The following CORO2B variants were observed in gnomAD, a reference collection of about 807,000 sequenced individuals.
CORO2B encodes coronin-2B.
Under a neutral mutation model 58.8 loss-of-function variants are expected in CORO2B, and 26 were observed. The observed-to-expected ratio is 0.44, with a 90% confidence interval of 0.32 to 0.61. CORO2B has a LOEUF of 0.61. Ranked by LOEUF, CORO2B falls within the 20% of genes least tolerant of loss-of-function variation. CORO2B has a pLI of 0.04. For synonymous variants in CORO2B, 242 were observed against 253.8 expected, an observed-to-expected ratio of 0.95 and a Z score of 0.44; for missense variants, 460 against 645.1, an observed-to-expected ratio of 0.71 and a Z score of 3.11.
chr15:68,695,892 G>A (rs983630975), intron 3 of CORO2B, among the ~76,000 whole-genome samples: 4 of 151,966 alleles, frequency 2.6e-5, no homozygotes, highest in African/African-American at 9.7e-5. Flanking sequence ...GAGAAATAGA[G>A]ATAGGAGGGA....
chr15:68,554,987 T>C, the CORO2B span, among the ~76,000 whole-genome samples: 1 of 152,266 alleles, frequency 6.6e-6, no homozygotes, highest in Non-Finnish European at 1.5e-5. Flanking sequence ...GATTGCACAG[T>C]GGTGGCTCTC....
chr15:68,681,598 G>A (rs1200699026), intron 2 of CORO2B, among the ~76,000 whole-genome samples: 1 of 152,140 alleles, frequency 6.6e-6, no homozygotes, highest in African/African-American at 2.4e-5. Flanking sequence ...CACTTGAGAA[G>A]TGTGACCCCT....
chr15:68,680,050 T>C (rs1163605356), intron 2 of CORO2B, among the ~76,000 whole-genome samples: 2 of 151,150 alleles, frequency 1.3e-5, no homozygotes, highest in Admixed American at 6.6e-5. Flanking sequence ...TGGTGGGCAC[T>C]GGGCCCCCGC....
At chr15:68,527,585 C>T in the CORO2B span, among the ~76,000 whole-genome samples, 31 of 152,190 alleles carry the variant, frequency 2.0e-4, no homozygotes, top group Non-Finnish European at 2.9e-4. Flanking sequence ...GTAATAAGTT[C>T]GAAAATCAGG....
chr15:68,692,757 C>T (rs1892412680), intron 2 of CORO2B, among the ~76,000 whole-genome samples: 1 of 151,056 alleles, frequency 6.6e-6, no homozygotes, highest in African/African-American at 2.4e-5. Context: ...GCTCAGCCTC[C>T]CAAGTAGCTG....
At chr15:68,686,105 T>G (rs1902969913) in intron 2 of CORO2B, among the ~76,000 whole-genome samples, 1 of 146,544 alleles carries the variant, frequency 6.8e-6, no homozygotes, top group Admixed American at 6.9e-5. Flanking sequence ...TGGCGCAACC[T>G]TGGCTCATTG....
At chr15:68,695,389 C>T in intron 3 of CORO2B, 133 bp downstream of exon 3, 4 of 698,502 alleles carry the variant, frequency 5.7e-6, no homozygotes, top group Non-Finnish European at 1.0e-5. Flanking sequence ...TTCCAGCAAG[C>T]CCCACGATGT....
chr15:68,552,755 G>A, the CORO2B span, among the ~76,000 whole-genome samples: 3 of 152,132 alleles, frequency 2.0e-5, no homozygotes, highest in Non-Finnish European at 4.4e-5. Flanking sequence ...CAAAGCATCA[G>A]CCCCTCTGAT....
intron 3 of CORO2B, among the ~76,000 whole-genome samples, chr15:68,708,357 C>CTTTTTTTTTTTT (rs921103212): frequency 3.7e-4 from 43 of 114,958 alleles, no homozygotes; most frequent in Non-Finnish European, 5.8e-4. Flanking sequence ...TTTTTTTCTT[C>CTTTTTTTTTTTT]TTTTTTTTTT....
At chr15:68,658,667 A>T (rs1338237834) in intron 2 of CORO2B, among the ~76,000 whole-genome samples, 3 of 152,204 alleles carry the variant, frequency 2.0e-5, no homozygotes, top group African/African-American at 7.2e-5. Context: ...CCTGAGCTTC[A>T]TTCTTCTTTG....
At position 68,710,899 on chromosome 15, in the gene CORO2B, A is replaced by G; in HGVS notation, c.483+18A>G. 1 of 1,580,696 alleles carries G rather than the reference A, an allele frequency of 6.3e-7. No individual in the cohort carries two copies. The highest frequency in any genetic ancestry group is 8.6e-7 in the Non-Finnish European group (1 of 1,160,018). The stretch of plus-strand genomic sequence containing the variant: ...ACTACAAGGTATGCAGTGGGCAGGC[A>G]GCTGGGTGGAGAGGGATTGGGGAAG... On this transcript the variant is annotated intron_variant, in intron 4 of 11. Coordinates refer to ENST00000261861, the MANE Select transcript of CORO2B (RefSeq NM_006091.5). The surrounding 1 kb of genome is among the most constrained non-coding windows in gnomAD (Gnocchi z 4.1).
chr15:68,611,648 TAA>T (rs1365762561), intron 1 of CORO2B, among the ~76,000 whole-genome samples: 1 of 152,226 alleles, frequency 6.6e-6, no homozygotes, highest in African/African-American at 2.4e-5. Flanking sequence ...TTAGATTTAT[TAA>T]GATATGGAAT....
the CORO2B span, among the ~76,000 whole-genome samples, chr15:68,550,654 G>A: frequency 2.4e-4 from 37 of 152,330 alleles, no homozygotes; most frequent in Non-Finnish European, 4.0e-4. Flanking sequence ...CCTTAGAAGG[G>A]ACAGGCGTCC....
chr15:68,581,831 G>A (rs975129118), intron 1 of CORO2B, among the ~76,000 whole-genome samples: 1 of 152,208 alleles, frequency 6.6e-6, no homozygotes, highest in Admixed American at 6.5e-5. Context: ...CCAGGGCAGT[G>A]TCTAGGGCTC....
At chr15:68,547,701 T>C in the CORO2B span, among the ~76,000 whole-genome samples, 1 of 152,164 alleles carries the variant, frequency 6.6e-6, no homozygotes, top group Non-Finnish European at 1.5e-5. Context: ...CTCCTTCCTA[T>C]AGCCCTCCTC....
the CORO2B span, among the ~76,000 whole-genome samples, chr15:68,541,204 C>A: frequency 6.7e-6 from 1 of 149,044 alleles, no homozygotes; most frequent in African/African-American, 2.5e-5. Flanking sequence ...CACTGCACTC[C>A]AGCCTGGGTG....
intron 3 of CORO2B, among the ~76,000 whole-genome samples, chr15:68,708,707 T>C (rs979027440): frequency 2.0e-5 from 3 of 151,266 alleles, no homozygotes; most frequent in African/African-American, 7.3e-5. Flanking sequence ...TGAGACAGAG[T>C]CTCGCTCTGT....
chr15:68,576,787 G>A (rs925132756), upstream of CORO2B, among the ~76,000 whole-genome samples: 1 of 152,094 alleles, frequency 6.6e-6, no homozygotes, highest in Non-Finnish European at 1.5e-5. Context: ...AATTTCCTCT[G>A]CTGCAGGTTA....
intron 1 of CORO2B, among the ~76,000 whole-genome samples, chr15:68,633,514 T>C (rs62002134): frequency 2.3e-4 from 33 of 144,074 alleles, no homozygotes; most frequent in East Asian, 6.2e-4. Context: ...TACTCCAACA[T>C]ACACACACAC....
Sources: gnomAD v4.1 joint callset for allele counts (sites outside exome capture counted in the v4.1 genomes callset) on GRCh38, gnomAD v4.1.1 for gene constraint, Gnocchi (gnomAD v3.1) non-coding constraint, MANE v1.5 for transcripts, NCBI Gene and HGNC (gene_info 2026-07-23, HGNC 2026-07-21) for gene names.